Variants in ALK observed in about 807,000 individuals in gnomAD.
The protein encoded by ALK is ALK tyrosine kinase receptor.
ALK carries 74 observed loss-of-function variants against 163.1 expected under a neutral mutation model. The observed-to-expected ratio is 0.45, with a 90% CI of 0.38 to 0.55. ALK has a LOEUF of 0.55. Ranked by LOEUF, ALK falls within the 20% of genes least tolerant of loss-of-function variation. ALK has a pLI of 0.00. For synonymous variants in ALK, 960 were observed against 843.2 expected (o/e 1.14, Z -2.40); for missense variants, 2,063 against 2,105.3 (o/e 0.98, Z 0.39).
At chr2:29,218,802 C>G (rs775367353) in intron 23 of ALK, among the ~76,000 whole-genome samples, 1 of 152,266 alleles carries the variant, frequency 6.6e-6, no homozygotes, top group Non-Finnish European at 1.5e-5. Flanking sequence ...GACAGCAGTG[C>G]TGCTGAGAAT....
At chr2:29,919,500 T>A (rs1393142021) in intron 1 of ALK, among the ~76,000 whole-genome samples, 1 of 152,036 alleles carries the variant, frequency 6.6e-6, no homozygotes, top group Non-Finnish European at 1.5e-5. Flanking sequence ...AAGCCAACGT[T>A]TGGAATGGGG....
At chr2:29,564,729 G>A (rs1333931471) in intron 3 of ALK, among the ~76,000 whole-genome samples, 2 of 152,234 alleles carry the variant, frequency 1.3e-5, no homozygotes, top group Non-Finnish European at 2.9e-5. Context: ...CTCAGGAAGG[G>A]AGGGGGTATC....
At chr2:29,427,607 TTAA>T (rs1449780011) in intron 4 of ALK, among the ~76,000 whole-genome samples, 1 of 151,634 alleles carries the variant, frequency 6.6e-6, no homozygotes, top group East Asian at 1.9e-4. Context: ...AGATATTCAC[TTAA>T]TAAAAAAAGA....
chr2:29,840,852 T>C (rs1665678618), intron 1 of ALK, among the ~76,000 whole-genome samples: 1 of 152,188 alleles, frequency 6.6e-6, no homozygotes, highest in African/African-American at 2.4e-5. Flanking sequence ...TTATCCCAAT[T>C]TTACAGATTT....
intron 28 of ALK, among the ~76,000 whole-genome samples, chr2:29,195,818 G>A (rs1172475861): frequency 6.6e-6 from 1 of 152,212 alleles, no homozygotes; most frequent in African/African-American, 2.4e-5. Context: ...AGAACCAAGA[G>A]AGAGGGAAAG....
At chr2:29,833,243 G>A (rs1665468174) in intron 1 of ALK, among the ~76,000 whole-genome samples, 1 of 152,228 alleles carries the variant, frequency 6.6e-6, no homozygotes. Context: ...TCCCTGCTCT[G>A]CATCCCTGTG....
At chr2:29,596,285 C>T (rs1476182769) in intron 3 of ALK, among the ~76,000 whole-genome samples, 1 of 152,194 alleles carries the variant, frequency 6.6e-6, no homozygotes, top group Non-Finnish European at 1.5e-5. Flanking sequence ...GCTTCAATTG[C>T]CCTGTCTGTG....
chr2:29,225,609 C>A (rs1663955068), intron 18 of ALK, 44 bp from the exon 19 acceptor site: 4 of 1,535,438 alleles, frequency 2.6e-6, no homozygotes, highest in Non-Finnish European at 3.6e-6. Context: ...CACACCAGGT[C>A]TCCTTTGAGT....
chr2:29,345,380 G>A (rs896447559), intron 5 of ALK, among the ~76,000 whole-genome samples: 1 of 151,696 alleles, frequency 6.6e-6, no homozygotes, highest in African/African-American at 2.4e-5. Context: ...CTGCAATCCA[G>A]CCTGGGTGAC....
At chr2:29,554,056 T>C (rs1673781512) in intron 3 of ALK, among the ~76,000 whole-genome samples, 1 of 152,228 alleles carries the variant, frequency 6.6e-6, no homozygotes, top group South Asian at 2.1e-4. Flanking sequence ...TGCTATCAAA[T>C]CTTATATATG....
At chr2:29,898,515 C>A (rs560939311) in intron 1 of ALK, among the ~76,000 whole-genome samples, 2 of 152,166 alleles carry the variant, frequency 1.3e-5, no homozygotes, top group Admixed American at 6.6e-5. Flanking sequence ...TAATAATTAA[C>A]CTGTAATAAC....
chr2:29,814,194 A>T (rs1319324710), intron 1 of ALK, among the ~76,000 whole-genome samples: 1 of 152,182 alleles, frequency 6.6e-6, no homozygotes, highest in African/African-American at 2.4e-5. Flanking sequence ...TTCATAGAAG[A>T]GGCACTGAGG....
At chr2:29,204,926 T>C (rs1669275164) in intron 26 of ALK, among the ~76,000 whole-genome samples, 1 of 152,146 alleles carries the variant, frequency 6.6e-6, no homozygotes, top group Non-Finnish European at 1.5e-5. Flanking sequence ...CTTGAGCACC[T>C]GGCTGAGGTC....
intron 1 of ALK, among the ~76,000 whole-genome samples, chr2:29,911,445 C>T (rs1667700198): frequency 6.6e-6 from 1 of 152,204 alleles, no homozygotes; most frequent in African/African-American, 2.4e-5. Flanking sequence ...TATCATCTCT[C>T]TACTTTCATC....
chr2:29,528,344 G>A (rs1558368437), intron 4 of ALK, among the ~76,000 whole-genome samples: 2 of 152,120 alleles, frequency 1.3e-5, no homozygotes, highest in Admixed American at 1.3e-4. Flanking sequence ...TCCGGGAGAG[G>A]ACCAATTTTA....
chr2:29,547,394 C>G (rs892629902), intron 3 of ALK, among the ~76,000 whole-genome samples: 1 of 152,094 alleles, frequency 6.6e-6, no homozygotes, highest in Non-Finnish European at 1.5e-5. Flanking sequence ...CTCAGGAGTT[C>G]GAGATCAGCC....
intron 4 of ALK, among the ~76,000 whole-genome samples, chr2:29,415,175 A>T (rs1182265066): frequency 6.7e-6 from 1 of 150,326 alleles, no homozygotes. Flanking sequence ...ATGATTCATG[A>T]GGGATAATAC....
intron 4 of ALK, among the ~76,000 whole-genome samples, chr2:29,468,217 T>C (rs4666216): frequency 0.93 from 140,934 of 152,134 alleles, 65,399 homozygotes; most frequent in East Asian, 1. Context: ...TCAGTAGAGA[T>C]GGGGTTTCAC....
intron 4 of ALK, among the ~76,000 whole-genome samples, chr2:29,384,847 T>C (rs1190901151): frequency 3.3e-5 from 5 of 152,084 alleles, no homozygotes; most frequent in Non-Finnish European, 2.9e-5. Context: ...GGTCAAGAGA[T>C]TGAAACCATC....
Sources: allele counts gnomAD v4.1 joint callset (sites outside exome capture counted in the v4.1 genomes callset), GRCh38; gene constraint gnomAD v4.1.1; transcripts MANE v1.5; gene names NCBI Gene and HGNC (gene_info 2026-07-23, HGNC 2026-07-21).